Variants in ABCA12 observed in about 807,000 individuals in gnomAD.
The protein encoded by ABCA12 is ATP binding cassette subfamily A member 12, also known as glucosylceramide transporter ABCA12.
A neutral mutation model predicts 293.5 loss-of-function variants in ABCA12; 156 were observed. The ratio of observed to expected loss-of-function variants is 0.53; its 90% CI spans 0.47 to 0.61. The LOEUF (loss-of-function observed/expected upper bound fraction) is 0.61. Ranked by LOEUF, ABCA12 falls within the 20% of genes least tolerant of loss-of-function variation. ABCA12 has a pLI of 0.00. For synonymous variants in ABCA12, 1,063 were observed against 1,108.0 expected, an observed-to-expected ratio of 0.96 and a Z score of 0.81; for missense variants, 2,797 against 3,090.2, an observed-to-expected ratio of 0.91 and a Z score of 2.25.
At chr2:215,117,760 T>C (rs1702715667) in intron 1 of ABCA12, among the ~76,000 whole-genome samples, 2 of 152,230 alleles carry the variant, frequency 1.3e-5, no homozygotes, top group Admixed American at 6.5e-5. Context: ...CAAGTCTAAC[T>C]ATATATTTTT....
chr2:215,025,645 TTG>T (rs780247860), intron 11 of ABCA12, 26 bp downstream of exon 11: 1 of 1,490,322 alleles, frequency 6.7e-7, no homozygotes, highest in East Asian at 2.3e-5. Flanking sequence ...TTTTTGTTTT[TTG>T]TTTTTTTTTT....
At chr2:214,995,188 G>C (rs887259605) in intron 23 of ABCA12, among the ~76,000 whole-genome samples, 2 of 152,118 alleles carry the variant, frequency 1.3e-5, no homozygotes, top group African/African-American at 4.8e-5. Flanking sequence ...CAAAGTCAAA[G>C]ATAAGTGGCT....
At chr2:215,129,796 C>A (rs922338977) in intron 1 of ABCA12, among the ~76,000 whole-genome samples, 3 of 152,056 alleles carry the variant, frequency 2.0e-5, no homozygotes, top group African/African-American at 7.2e-5. Flanking sequence ...CATTATAAAT[C>A]CTTTGCCTAG....
In ABCA12 at chr2:215,049,826, G is replaced by C; in HGVS notation, c.508-15C>G. 6.2e-7 allele frequency: 1 copy of C among 1,600,860 alleles called. No homozygotes were observed. Among genetic ancestry groups the C allele is most frequent in the Non-Finnish European group, 8.5e-7 (1 of 1,170,146 alleles). On this transcript the variant is annotated splice_polypyrimidine_tract_variant and intron_variant, in intron 5 of 52. Coordinates refer to ENST00000272895, the MANE Select transcript of ABCA12 (RefSeq NM_173076.3). ...TGCTTTAACAGCTAAAAGCATGTGT[G>C]AAAAGAGTAAAATAAGAGTGTTAAT...
At chr2:215,118,799 G>C (rs1176844472) in intron 1 of ABCA12, among the ~76,000 whole-genome samples, 3 of 152,080 alleles carry the variant, frequency 2.0e-5, no homozygotes, top group Non-Finnish European at 2.9e-5. Context: ...TTGGCCTCTT[G>C]TATGTCATCT....
chr2:214,993,311 C>T (rs899410430), intron 23 of ABCA12, among the ~76,000 whole-genome samples: 5 of 152,174 alleles, frequency 3.3e-5, no homozygotes, highest in Non-Finnish European at 5.9e-5. Flanking sequence ...GTCAAAGTAG[C>T]ATGAAGCAAA....
At chr2:215,130,350 A>G (rs576082296) in intron 1 of ABCA12, among the ~76,000 whole-genome samples, 14 of 152,236 alleles carry the variant, frequency 9.2e-5, no homozygotes, top group African/African-American at 3.4e-4. Flanking sequence ...CTTCCAACTC[A>G]TGAGCATGGA....
At chr2:214,979,283 A>G (rs1699595804) in intron 31 of ABCA12, among the ~76,000 whole-genome samples, 2 of 151,878 alleles carry the variant, frequency 1.3e-5, no homozygotes, top group African/African-American at 2.4e-5. Flanking sequence ...TAGCAACAAC[A>G]GTCTCTTTTC....
chr2:215,095,267 G>A lies in ABCA12; in HGVS notation c.163+16330C>T, dbSNP rs574206676. Among the ~76,000 whole-genome samples the A allele has an allele frequency of 3.3e-5, 5 of 152,154 alleles. No individual in the cohort carries two copies. The South Asian group carries it at 1.0e-3, about 32-fold the overall frequency. ...TAGAGCCCAAAAACTCACCAACCAA[G>A]CAAGTAATTACACCAAACCCCCTTG... On this transcript the variant is annotated intron_variant, in intron 2 of 52. Coordinates refer to ENST00000272895, the MANE Select transcript of ABCA12 (RefSeq NM_173076.3).
chr2:214,942,195 A>G (rs2225064), intron 50 of ABCA12, among the ~76,000 whole-genome samples: 58,959 of 152,052 alleles, frequency 0.39, 11,516 homozygotes, highest in South Asian at 0.47. Context: ...TATTAAATCA[A>G]TGTGCCAGCT....
intron 24 of ABCA12, among the ~76,000 whole-genome samples, chr2:214,990,206 CT>C: frequency 6.6e-6 from 1 of 152,242 alleles, no homozygotes; most frequent in East Asian, 1.9e-4. Flanking sequence ...AGTCAGTAAT[CT>C]TAATGCTTTA....
chr2:214,965,506 G>C (rs576119834), intron 39 of ABCA12, among the ~76,000 whole-genome samples: 1 of 152,208 alleles, frequency 6.6e-6, no homozygotes, highest in African/African-American at 2.4e-5. Flanking sequence ...CTAATATCCA[G>C]AGTCTTTAAA....
chr2:215,081,806 C>A (rs1523715), intron 2 of ABCA12, among the ~76,000 whole-genome samples: 40,143 of 151,916 alleles, frequency 0.26, 5,648 homozygotes, highest in Middle Eastern at 0.36. Context: ...AGAAAGAGAC[C>A]TGGAAGACAA....
intron 2 of ABCA12, among the ~76,000 whole-genome samples, chr2:215,082,233 C>A (rs534769410): frequency 6.6e-6 from 1 of 151,550 alleles, no homozygotes; most frequent in Non-Finnish European, 1.5e-5. Flanking sequence ...TTAGTAGAGA[C>A]GGGGTTTCAC....
At chr2:214,950,103 G>A (rs918703141) in intron 45 of ABCA12, among the ~76,000 whole-genome samples, 1 of 151,970 alleles carries the variant, frequency 6.6e-6, no homozygotes, top group African/African-American at 2.4e-5. Context: ...AACAATACAC[G>A]ATAACAACTA....
At chr2:215,036,085 A>G (rs1248656194) in intron 8 of ABCA12, among the ~76,000 whole-genome samples, 1 of 152,168 alleles carries the variant, frequency 6.6e-6, no homozygotes, top group Non-Finnish European at 1.5e-5. Flanking sequence ...AAGACCATCA[A>G]ATTTAATAAC....
At chr2:214,977,031 G>A (rs1488621180) in intron 33 of ABCA12, among the ~76,000 whole-genome samples, 1 of 152,148 alleles carries the variant, frequency 6.6e-6, no homozygotes, top group Non-Finnish European at 1.5e-5. Context: ...ATACAAAGCT[G>A]CTTAATTTAA....
At chr2:214,939,412 G>GTTCT (rs1698325604) in intron 50 of ABCA12, among the ~76,000 whole-genome samples, 1 of 152,248 alleles carries the variant, frequency 6.6e-6, no homozygotes, top group South Asian at 2.1e-4. Context: ...CTCCAGCTTT[G>GTTCT]TTCTTTTTGC....
intron 44 of ABCA12, among the ~76,000 whole-genome samples, chr2:214,953,254 C>T (rs935881249): frequency 5.3e-5 from 8 of 152,096 alleles, no homozygotes; most frequent in African/African-American, 1.4e-4. Context: ...AAACTAGTCC[C>T]TAAATGAAGG....
Sources: gnomAD v4.1 joint callset for allele counts (sites outside exome capture counted in the v4.1 genomes callset) on GRCh38, gnomAD v4.1.1 for gene constraint, MANE v1.5 for transcripts, NCBI Gene and HGNC (gene_info 2026-07-23, HGNC 2026-07-21) for gene names.